PHF24: variants seen among roughly 807,000 people sequenced by gnomAD.
The protein encoded by PHF24 is Galpha inhibitory interacting protein.
PHF24 carries 25 observed loss-of-function variants against 42.6 expected under a neutral mutation model. That is an observed-to-expected ratio of 0.59 (90% CI 0.43 to 0.82). The LOEUF is 0.82. Among genes scored for constraint, PHF24 ranks in the 40% least tolerant of loss-of-function variants. The pLI is 0.00. For synonymous variants in PHF24, 185 were observed against 204.8 expected (o/e 0.90, Z 0.83); for missense variants, 470 against 538.1 (o/e 0.87, Z 1.25).
the PHF24 span, among the ~76,000 whole-genome samples, chr9:34,936,024 T>TCTCCCG: frequency 2.2e-4 from 32 of 148,112 alleles, no homozygotes; most frequent in East Asian, 6.0e-4. Context: ...TCCCTCTCCC[T>TCTCCCG]CTCCCGCTCC....
At chr9:34,953,954 G>A (rs1008205832), upstream of PHF24, among the ~76,000 whole-genome samples, 4 of 151,874 alleles carry the variant, frequency 2.6e-5, no homozygotes, top group South Asian at 2.1e-4. This position sits in a 1 kb window ranked among gnomAD's most constrained non-coding sequence, Gnocchi z 4.1. Context: ...AACAAACAAC[G>A]ACAACAACAA....
chr9:34,827,473 A>C, the PHF24 span, among the ~76,000 whole-genome samples: 1 of 152,074 alleles, frequency 6.6e-6, no homozygotes, highest in South Asian at 2.1e-4. Flanking sequence ...GTTTCTTCCC[A>C]TCCTGCCTCT....
the PHF24 span, among the ~76,000 whole-genome samples, chr9:34,773,823 G>A: frequency 6.6e-6 from 1 of 152,074 alleles, no homozygotes; most frequent in African/African-American, 2.4e-5. Context: ...AAAAAACAAG[G>A]AATATCTAAT....
the PHF24 span, among the ~76,000 whole-genome samples, chr9:34,799,525 T>TTAG: frequency 6.6e-6 from 1 of 152,216 alleles, no homozygotes; most frequent in Non-Finnish European, 1.5e-5. Flanking sequence ...ATTGTCTAAC[T>TTAG]ACTTAGAGGC....
At chr9:34,723,637 T>C in the PHF24 span, 2 of 1,551,734 alleles carry the variant, frequency 1.3e-6, no homozygotes, top group Non-Finnish European at 1.7e-6. Flanking sequence ...TGGGCTTCTT[T>C]TGAGCATGGA....
the PHF24 span, among the ~76,000 whole-genome samples, chr9:34,809,994 G>C: frequency 2.7e-5 from 4 of 150,396 alleles, no homozygotes; most frequent in South Asian, 4.2e-4. This position sits in a 1 kb window ranked among gnomAD's most constrained non-coding sequence, Gnocchi z 4.1. Context: ...TCGCGTGGGC[G>C]CACGCGCCGC....
the PHF24 span, chr9:34,832,712 TG>T: frequency 1.0e-5 from 16 of 1,545,708 alleles, no homozygotes; most frequent in South Asian, 1.9e-4. Flanking sequence ...GAGTATGGGC[TG>T]GCATCACCAG....
At chr9:34,873,772 T>C in the PHF24 span, among the ~76,000 whole-genome samples, 1 of 150,588 alleles carries the variant, frequency 6.6e-6, no homozygotes, top group Non-Finnish European at 1.5e-5. Flanking sequence ...GGGGATGGCA[T>C]TGAATCTATA....
chr9:34,916,569 T>G, the PHF24 span, among the ~76,000 whole-genome samples: 1 of 152,236 alleles, frequency 6.6e-6, no homozygotes, highest in African/African-American at 2.4e-5. Context: ...AACATTAAAG[T>G]ACCTCTCAGA....
chr9:34,851,119 C>G, the PHF24 span, among the ~76,000 whole-genome samples: 1 of 151,996 alleles, frequency 6.6e-6, no homozygotes, highest in Admixed American at 6.6e-5. Flanking sequence ...AGAACCACTG[C>G]TCTCTTCAAA....
At chr9:34,796,682 C>A in the PHF24 span, among the ~76,000 whole-genome samples, 1 of 152,136 alleles carries the variant, frequency 6.6e-6, no homozygotes, top group East Asian at 1.9e-4. Context: ...AAGAAAGCAG[C>A]GCAACTGGAT....
the PHF24 span, among the ~76,000 whole-genome samples, chr9:34,766,770 G>T: frequency 6.6e-6 from 1 of 152,196 alleles, no homozygotes; most frequent in Non-Finnish European, 1.5e-5. Flanking sequence ...GAGGAGGAGA[G>T]GTGCTCTGCT....
the PHF24 span, among the ~76,000 whole-genome samples, chr9:34,751,580 T>C: frequency 6.6e-6 from 1 of 152,098 alleles, no homozygotes. Flanking sequence ...AAGAGAGAGA[T>C]AGATCCCAGT....
the PHF24 span, among the ~76,000 whole-genome samples, chr9:34,828,920 T>TCTATATCTATATCTATAC: frequency 6.6e-6 from 1 of 151,572 alleles, no homozygotes; most frequent in Non-Finnish European, 1.5e-5. Context: ...TTTATCTATA[T>TCTATATCTATATCTATAC]CTATATCTAT....
At chr9:34,929,932 G>A in the PHF24 span, among the ~76,000 whole-genome samples, 2 of 152,068 alleles carry the variant, frequency 1.3e-5, no homozygotes, top group Admixed American at 1.3e-4. Flanking sequence ...GAATTTCAGC[G>A]AGATCTGGAT....
the PHF24 span, among the ~76,000 whole-genome samples, chr9:34,849,371 C>A: frequency 1.3e-5 from 2 of 151,904 alleles, no homozygotes; most frequent in African/African-American, 4.8e-5. Flanking sequence ...TTCTTTGTCT[C>A]TTTTGATCTT....
chr9:34,899,754 C>G, the PHF24 span, among the ~76,000 whole-genome samples: 1 of 152,170 alleles, frequency 6.6e-6, no homozygotes, highest in Non-Finnish European at 1.5e-5. Context: ...TAGAGGGCAG[C>G]ACATGCCCAC....
exon 8 of PHF24, chr9:34,981,661 G>T (rs1160188788): frequency 6.6e-6 from 1 of 151,946 alleles, no homozygotes; most frequent in Non-Finnish European, 1.5e-5. Flanking sequence ...CAGTTTTGAT[G>T]CCAGAACTTC....
the PHF24 span, among the ~76,000 whole-genome samples, chr9:34,867,659 G>A: frequency 6.6e-6 from 1 of 152,188 alleles, no homozygotes; most frequent in African/African-American, 2.4e-5. Context: ...AAGTCTCAGG[G>A]TTGATGCTGA....
Sources: allele counts gnomAD v4.1 joint callset (sites outside exome capture counted in the v4.1 genomes callset), GRCh38; gene constraint gnomAD v4.1.1; non-coding constraint Gnocchi (gnomAD v3.1); transcripts MANE v1.5; gene names NCBI Gene and HGNC (gene_info 2026-07-23, HGNC 2026-07-21).